ZNF76: variants seen among roughly 807,000 people sequenced by gnomAD.
The protein encoded by ZNF76 is zinc finger protein 523.
A neutral mutation model predicts 66.9 loss-of-function variants in ZNF76; 66 were observed. The observed-to-expected ratio is 0.99, with a 90% CI of 0.81 to 1.21. The LOEUF (loss-of-function observed/expected upper bound fraction) is 1.21. Ranked by LOEUF, ZNF76 falls within the 50% of genes most tolerant of loss-of-function variation. The pLI, the probability that ZNF76 is intolerant of heterozygous loss-of-function variation, is 0.00. For missense variants in ZNF76, 729 were observed against 760.3 expected, an observed-to-expected ratio of 0.96 and a Z score of 0.48; for synonymous variants, 275 against 296.1, an observed-to-expected ratio of 0.93 and a Z score of 0.73.
At chr6:35,293,694 G>A in intron 11 of ZNF76, 57 bp from the exon 12 acceptor site, 2 of 1,584,974 alleles carry the variant, frequency 1.3e-6, no homozygotes, top group South Asian at 2.3e-5. Flanking sequence ...CTTCCTTAGG[G>A]ACTTTCAGAC....
chr6:35,281,329 AC>A, intron 2 of ZNF76, 105 bp downstream of exon 2: 1 of 980,018 alleles, frequency 1.0e-6, no homozygotes, highest in Non-Finnish European at 1.6e-6. Context: ...CCGCCTGCTT[AC>A]CCTTGCCCAC....
At chr6:35,270,583 A>G (rs967934533) in intron 1 of ZNF76, 5 of 152,212 alleles carry the variant, frequency 3.3e-5, no homozygotes, top group Middle Eastern at 3.4e-3. Context: ...TTTGTTTGAG[A>G]TGGAGTCTCG....
chr6:35,280,127 C>T (rs9394289), intron 1 of ZNF76, among the ~76,000 whole-genome samples: 102,889 of 152,002 alleles, frequency 0.68, 37,990 homozygotes, highest in Non-Finnish European at 0.82. Context: ...CACTACACCC[C>T]GCCCATATTT....
chr6:35,293,329 C>G (rs1790710515), intron 11 of ZNF76, among the ~76,000 whole-genome samples: 1 of 152,142 alleles, frequency 6.6e-6, no homozygotes, highest in South Asian at 2.1e-4. Flanking sequence ...ATGGGATGTC[C>G]TTCTCAAGAG....
intron 7 of ZNF76, chr6:35,291,054 A>G: frequency 1.6e-6 from 1 of 613,250 alleles, no homozygotes; most frequent in Middle Eastern, 4.4e-4. Flanking sequence ...TGAGTTCTCT[A>G]AGTTTCTTTT....
chr6:35,283,480 T>C (rs1789082872), intron 2 of ZNF76, among the ~76,000 whole-genome samples: 1 of 152,228 alleles, frequency 6.6e-6, no homozygotes, highest in East Asian at 1.9e-4. Context: ...CCCAGCATTT[T>C]AAAAGTGGAA....
At chr6:35,270,852 C>T (rs774245857) in intron 1 of ZNF76, among the ~76,000 whole-genome samples, 2 of 152,128 alleles carry the variant, frequency 1.3e-5, no homozygotes, top group Non-Finnish European at 2.9e-5. Flanking sequence ...CCACTGCGCC[C>T]AGCCCACAGA....
intron 12 of ZNF76, chr6:35,294,239 C>T (rs1052905451): frequency 5.4e-5 from 32 of 589,626 alleles, no homozygotes; most frequent in Non-Finnish European, 8.4e-5. Flanking sequence ...CTCTGTCCTT[C>T]TGTGATTCAA....
chr6:35,292,744 G>C lies in ZNF76; in HGVS notation c.1122G>C (p.Thr374=), dbSNP rs767670054. ...KRSAHGELEA[T]EESEQALYEQ... ...GTGCCCACGGCGAGCTGGAGGCCACGGAGGAGAGCGAGCAGGCCCTCTATG... is the reference window on the plus strand; with the variant it reads ...GTGCCCACGGCGAGCTGGAGGCCACCGAGGAGAGCGAGCAGGCCCTCTATG... The change falls in exon 10 of 14, where the codon ACG becomes ACC. Residue 374 remains threonine (T), a synonymous_variant. Coordinates refer to ENST00000373953, the MANE Select transcript of ZNF76 (RefSeq NM_003427.5). This position sits in a 1 kb window ranked among gnomAD's most constrained non-coding sequence, Gnocchi z 4.7. The C allele has an allele frequency of 6.2e-7, 1 of 1,614,128 alleles. No individual in the cohort carries two copies.
chr6:35,263,685 T>C (rs530979453), intron 1 of ZNF76, among the ~76,000 whole-genome samples: 1 of 152,310 alleles, frequency 6.6e-6, no homozygotes, highest in South Asian at 2.1e-4. Flanking sequence ...TGCCTTGTAT[T>C]TGAGTTATTT....
chr6:35,266,020 T>C (rs966791407), intron 1 of ZNF76, among the ~76,000 whole-genome samples: 2 of 152,008 alleles, frequency 1.3e-5, no homozygotes, highest in African/African-American at 2.4e-5. Context: ...ACAAGAGAAG[T>C]TGGTGGCTTG....
At chr6:35,294,015 G>A in intron 12 of ZNF76, 100 bp downstream of exon 12, 1 of 1,393,534 alleles carries the variant, frequency 7.2e-7, no homozygotes, top group Non-Finnish European at 9.7e-7. Flanking sequence ...TTCTTACCAG[G>A]ACAAAGATTC....
At chr6:35,270,695 C>T (rs1786910870) in intron 1 of ZNF76, among the ~76,000 whole-genome samples, 1 of 151,928 alleles carries the variant, frequency 6.6e-6, no homozygotes, top group Non-Finnish European at 1.5e-5. Flanking sequence ...GTAGCTGGGA[C>T]TACAGGTGTG....
chr6:35,286,018 C>T, intron 2 of ZNF76, 110 bp from the exon 3 acceptor site: 1 of 970,608 alleles, frequency 1.0e-6, no homozygotes, highest in South Asian at 1.4e-5. Flanking sequence ...CATGCTTAGA[C>T]CTGCAGGCTC....
intron 1 of ZNF76, chr6:35,279,308 G>GT (rs1227936904): frequency 4.9e-5 from 8 of 164,162 alleles, no homozygotes; most frequent in African/African-American, 2.0e-4. Context: ...GATTATGCTG[G>GT]TTTTCTTCAG....
intron 5 of ZNF76, among the ~76,000 whole-genome samples, chr6:35,288,613 C>G (rs1383230731): frequency 6.6e-6 from 1 of 152,130 alleles, no homozygotes; most frequent in Non-Finnish European, 1.5e-5. Context: ...TATAATGAAA[C>G]CAGTGTGACT....
At chr6:35,283,279 T>C (rs1168116135) in intron 2 of ZNF76, among the ~76,000 whole-genome samples, 2 of 152,146 alleles carry the variant, frequency 1.3e-5, no homozygotes, top group Non-Finnish European at 2.9e-5. Context: ...ACACACTCAC[T>C]CACAACAGAT....
rs900937195 is a variant in ZNF76 at position 35,275,871 on chromosome 6, G to A, written c.-96-5185G>A. On this transcript the variant is annotated intron_variant, in intron 1 of 13. Coordinates refer to ENST00000373953, the MANE Select transcript of ZNF76 (RefSeq NM_003427.5). ...CAAGAAGGTCTGGGTTTAAGTTACA[G>A]TGGGTGAGATGGAAGTTAACCCGTA... 1.2e-3 allele frequency among the ~76,000 whole-genome samples: 180 copies of A among 152,312 alleles called. 1 individual carries two copies. Among genetic ancestry groups the A allele is most frequent in the African/African-American group, 4.2e-3 (174 of 41,576 alleles).
chr6:35,280,895 T>C (rs2150360326), intron 1 of ZNF76, among the ~76,000 whole-genome samples, 161 bp from the exon 2 acceptor site: 1 of 152,334 alleles, frequency 6.6e-6, no homozygotes, highest in Non-Finnish European at 1.5e-5. Context: ...TTAGATAATG[T>C]GTATTTTGAG....
Sources: gnomAD v4.1 joint callset for allele counts (sites outside exome capture counted in the v4.1 genomes callset) on GRCh38, gnomAD v4.1.1 for gene constraint, Gnocchi (gnomAD v3.1) non-coding constraint, MANE v1.5 for transcripts, NCBI Gene and HGNC (gene_info 2026-07-23, HGNC 2026-07-21) for gene names.